The following CAPZB variants were observed in gnomAD, a reference collection of about 807,000 sequenced individuals.
CAPZB encodes the protein F-actin-capping protein subunit beta.
A neutral mutation model predicts 38.1 loss-of-function variants in CAPZB; 2 were observed. That is an observed-to-expected ratio of 0.05 (90% CI 0.02 to 0.17). The LOEUF (loss-of-function observed/expected upper bound fraction) is 0.17, where lower values mean the gene tolerates loss of function less well. Ranked by LOEUF, CAPZB falls within the 10% of genes least tolerant of loss-of-function variation. The probability of loss-of-function intolerance (pLI) is 1.00; values close to 1 mark genes in which losing one functional copy is unlikely to be tolerated. For synonymous variants in CAPZB, 107 were observed against 127.4 expected, an observed-to-expected ratio of 0.84 and a Z score of 1.08; for missense variants, 161 against 334.2, an observed-to-expected ratio of 0.48 and a Z score of 4.04.
chr1:19,473,619 T>G (rs942077356), intron 1 of CAPZB, among the ~76,000 whole-genome samples: 1 of 152,190 alleles, frequency 6.6e-6, no homozygotes, highest in Non-Finnish European at 1.5e-5. Context: ...ATCCCAGCAC[T>G]TTGGGAGGCC....
intron 1 of CAPZB, among the ~76,000 whole-genome samples, chr1:19,460,476 C>T (rs1009688949): frequency 1.3e-5 from 2 of 151,168 alleles, no homozygotes; most frequent in African/African-American, 2.4e-5. Context: ...CAGGTTTCAC[C>T]GTGTTAGCCA....
chr1:19,360,073 G>C (rs1013973376), intron 4 of CAPZB, among the ~76,000 whole-genome samples: 23 of 152,328 alleles, frequency 1.5e-4, no homozygotes, highest in Admixed American at 1.5e-3. Context: ...GAGAGGGATG[G>C]ACTGCCCCTG....
chr1:19,346,183 A>G (rs975783334), intron 6 of CAPZB, among the ~76,000 whole-genome samples: 1 of 152,204 alleles, frequency 6.6e-6, no homozygotes, highest in African/African-American at 2.4e-5. Flanking sequence ...GCTCAACGTT[A>G]CTACACTGAA....
Position 19,386,702 on chromosome 1 carries a change from C to T in CAPZB, c.94-1076G>A, listed in dbSNP as rs560826404. On this transcript the variant is annotated intron_variant, in intron 2 of 8. Transcript: ENST00000264202. The stretch of plus-strand genomic sequence containing the variant: ...CACCACAGGGACCACCCAGCCTCCA[C>T]GGGCTCCTCTGCTGCCCCTCCAGGG... Among the ~76,000 whole-genome samples the T allele has an allele frequency of 5.2e-4, 79 of 152,352 alleles. No homozygotes were observed. In the South Asian group the frequency reaches 0.011, roughly 21 times the overall value.
intron 1 of CAPZB, among the ~76,000 whole-genome samples, chr1:19,440,750 G>C (rs1156817840): frequency 6.6e-6 from 1 of 152,170 alleles, no homozygotes; most frequent in African/African-American, 2.4e-5. Context: ...TACAGTAAAA[G>C]CCATGTTTTA....
intron 1 of CAPZB, among the ~76,000 whole-genome samples, chr1:19,421,712 A>G (rs1304064204): frequency 1.3e-5 from 2 of 152,234 alleles, no homozygotes; most frequent in Non-Finnish European, 2.9e-5. Flanking sequence ...AATTCCCAAT[A>G]CTGCCATTCA....
At chr1:19,392,843 G>C (rs2100277725) in intron 2 of CAPZB, among the ~76,000 whole-genome samples, 1 of 152,326 alleles carries the variant, frequency 6.6e-6, no homozygotes, top group East Asian at 1.9e-4. Flanking sequence ...ACATAGGTCA[G>C]AATTCAAAAA....
intron 8 of CAPZB, among the ~76,000 whole-genome samples, chr1:19,341,528 A>C (rs554781151): frequency 6.6e-6 from 1 of 152,298 alleles, no homozygotes; most frequent in South Asian, 2.1e-4. Flanking sequence ...GGCTTATTTA[A>C]GGGACAATGC....
chr1:19,385,906 T>C (rs2094201520), intron 2 of CAPZB: 3 of 510,856 alleles, frequency 5.9e-6, no homozygotes, highest in Non-Finnish European at 1.1e-5. Context: ...GTCACCAGGG[T>C]GGCCTAGTAA....
At chr1:19,454,753 C>T (rs2014772) in intron 1 of CAPZB, among the ~76,000 whole-genome samples, 31,439 of 152,182 alleles carry the variant, frequency 0.21, 4,039 homozygotes, top group Non-Finnish European at 0.27. Flanking sequence ...ACTATTAATA[C>T]TTACAAATAC....
At chr1:19,391,101 A>G (rs2094231941) in intron 2 of CAPZB, among the ~76,000 whole-genome samples, 2 of 151,998 alleles carry the variant, frequency 1.3e-5, no homozygotes, top group South Asian at 4.2e-4. Flanking sequence ...ATCCAACCCA[A>G]CAGCTGATCA....
intron 2 of CAPZB, among the ~76,000 whole-genome samples, chr1:19,409,807 T>G (rs112786837): frequency 6.6e-6 from 1 of 152,364 alleles, no homozygotes; most frequent in African/African-American, 2.4e-5. Context: ...TAAGTTAAAT[T>G]TGCATGCAGT....
chr1:19,405,702 A>G (rs1435057425), intron 2 of CAPZB, among the ~76,000 whole-genome samples: 1 of 152,146 alleles, frequency 6.6e-6, no homozygotes, highest in African/African-American at 2.4e-5. Context: ...AGGGAGAGGG[A>G]GATTAACGAT....
chr1:19,425,301 C>G (rs2094418293), intron 1 of CAPZB, among the ~76,000 whole-genome samples: 1 of 152,224 alleles, frequency 6.6e-6, no homozygotes, highest in Non-Finnish European at 1.5e-5. Context: ...TTCTCCTTAT[C>G]CTCTGGAATT....
chr1:19,473,414 C>T (rs143909416), intron 1 of CAPZB, among the ~76,000 whole-genome samples: 1 of 152,328 alleles, frequency 6.6e-6, no homozygotes, highest in African/African-American at 2.4e-5. Context: ...TCCAAGTCCC[C>T]TTGCATGATA....
intron 1 of CAPZB, among the ~76,000 whole-genome samples, chr1:19,475,453 G>A (rs2094603619): frequency 6.6e-6 from 1 of 152,214 alleles, no homozygotes; most frequent in Non-Finnish European, 1.5e-5. Context: ...GTAAATGTCA[G>A]CTGCTGTTAG....
intron 8 of CAPZB, among the ~76,000 whole-genome samples, chr1:19,341,703 A>G (rs187819221): frequency 1.8e-4 from 27 of 152,372 alleles, no homozygotes; most frequent in Admixed American, 1.8e-3. Context: ...TATCTTAAAA[A>G]GAGTTTTTTC....
At chr1:19,370,168 A>C (rs1319181572) in intron 4 of CAPZB, among the ~76,000 whole-genome samples, 1 of 151,998 alleles carries the variant, frequency 6.6e-6, no homozygotes, top group Non-Finnish European at 1.5e-5. Context: ...GCCTCCACTC[A>C]CTGCCCACGA....
intron 1 of CAPZB, among the ~76,000 whole-genome samples, chr1:19,426,028 C>G (rs897989702): frequency 1.3e-5 from 2 of 152,186 alleles, no homozygotes; most frequent in African/African-American, 4.8e-5. Context: ...TTCCAGGCAG[C>G]AGGTGCAGCA....
Sources: gnomAD v4.1 joint callset for allele counts (sites outside exome capture counted in the v4.1 genomes callset) on GRCh38, gnomAD v4.1.1 for gene constraint, MANE v1.5 for transcripts, NCBI Gene and HGNC (gene_info 2026-07-23, HGNC 2026-07-21) for gene names.